The following IFT57 variants were observed in gnomAD, a reference collection of about 807,000 sequenced individuals.
IFT57 encodes intraflagellar transport 57, also known as intraflagellar transport protein 57 homolog.
Under a neutral mutation model 56.8 loss-of-function variants are expected in IFT57, and 59 were observed. That is an observed-to-expected ratio of 1.04 (90% CI 0.84 to 1.29). The LOEUF is 1.29. Ranked by LOEUF, IFT57 falls within the 50% of genes most tolerant of loss-of-function variation. The pLI is 0.00. For synonymous variants in IFT57, 209 were observed against 186.1 expected (o/e 1.12, Z -1.00); for missense variants, 470 against 522.1 (o/e 0.90, Z 0.97).
chr3:108,188,812 A>AGCAGTT (rs1352533082), intron 6 of IFT57, among the ~76,000 whole-genome samples: 5 of 152,206 alleles, frequency 3.3e-5, no homozygotes, highest in African/African-American at 1.2e-4. Flanking sequence ...AGTGTGTGTT[A>AGCAGTT]GCAGTTACAT....
intron 6 of IFT57, among the ~76,000 whole-genome samples, chr3:108,189,243 T>C (rs1560112470): frequency 6.6e-6 from 1 of 152,200 alleles, no homozygotes; most frequent in Non-Finnish European, 1.5e-5. Context: ...AGTAGGTAAA[T>C]GGACTACAGG....
At position 108,165,307 on chromosome 3, in the gene IFT57, C is replaced by A. The variant is rs1006734819; in HGVS notation, c.1044+124G>T. ...TCATAGGAAAATTAGGGATTATCTC[C>A]TAAAGAAAATGATTTAAAGGCACAG... On this transcript the variant is annotated intron_variant, in intron 9 of 10. Coordinates refer to ENST00000264538, the MANE Select transcript of IFT57 (RefSeq NM_018010.4). The A allele has an allele frequency of 3.7e-5, 26 of 703,652 alleles. No homozygotes were observed. The East Asian group carries it at 6.4e-4, about 17-fold the overall frequency. 43.6% of individuals were successfully genotyped at this position (703,652 alleles called of 1,614,324 possible).
At chr3:108,184,853 A>G (rs954961889) in intron 6 of IFT57, among the ~76,000 whole-genome samples, 1 of 152,166 alleles carries the variant, frequency 6.6e-6, no homozygotes, top group Non-Finnish European at 1.5e-5. Flanking sequence ...GTTTAGTGCA[A>G]TATCTTCAAG....
chr3:108,180,888 A>C (rs535623974), intron 6 of IFT57, among the ~76,000 whole-genome samples: 3 of 152,084 alleles, frequency 2.0e-5, no homozygotes, highest in Non-Finnish European at 2.9e-5. Context: ...TAGTCTAGAA[A>C]TTTTAATTAT....
chr3:108,176,750 T>A (rs1481147716), intron 6 of IFT57, among the ~76,000 whole-genome samples: 1 of 151,830 alleles, frequency 6.6e-6, no homozygotes, highest in Non-Finnish European at 1.5e-5. Flanking sequence ...GTTATCCACT[T>A]TAGTTACTTA....
rs572691208 is a variant in IFT57 at position 108,196,667 on chromosome 3, T to G, written c.655-5024A>C. On this transcript the variant is annotated intron_variant, in intron 5 of 10. Transcript: ENST00000264538. ...TTCTAAAATGATTTAACATAGGAGCTCAAAAATTTTCACTCACTCGTAGGC... is the reference window on the plus strand; with the variant it reads ...TTCTAAAATGATTTAACATAGGAGCGCAAAAATTTTCACTCACTCGTAGGC... Among the ~76,000 whole-genome samples, 17 of 152,322 alleles carry G rather than the reference T, an allele frequency of 1.1e-4. No homozygotes were observed. The East Asian group carries it at 3.3e-3, about 29-fold the overall frequency.
chr3:108,200,423 G>C (rs1042557729), intron 5 of IFT57, among the ~76,000 whole-genome samples: 1 of 152,076 alleles, frequency 6.6e-6, no homozygotes, highest in African/African-American at 2.4e-5. Context: ...TATATTCAAA[G>C]CACTAACATT....
chr3:108,184,731 A>G (rs1246890365), intron 6 of IFT57, among the ~76,000 whole-genome samples: 3 of 152,142 alleles, frequency 2.0e-5, no homozygotes. Context: ...AGTGTTGCAA[A>G]TATTGCTTAA....
At chr3:108,167,063 T>G in intron 7 of IFT57, 78 bp from the exon 8 acceptor site, 1 of 1,269,826 alleles carries the variant, frequency 7.9e-7, no homozygotes, top group Non-Finnish European at 1.1e-6. Context: ...GGGTTACATC[T>G]CAATCCATTC....
chr3:108,181,552 A>C (rs1189199716), intron 6 of IFT57, among the ~76,000 whole-genome samples: 1 of 152,106 alleles, frequency 6.6e-6, no homozygotes, highest in Admixed American at 6.6e-5. Context: ...TAATCATACA[A>C]GCTGCTCTAA....
intron 1 of IFT57, among the ~76,000 whole-genome samples, chr3:108,220,841 T>C (rs1400026675): frequency 6.6e-6 from 1 of 152,156 alleles, no homozygotes; most frequent in Non-Finnish European, 1.5e-5. Flanking sequence ...TGAGAACCAT[T>C]GGACTAGGAT....
At chr3:108,172,918 T>C (rs2080102340) in intron 6 of IFT57, among the ~76,000 whole-genome samples, 2 of 151,870 alleles carry the variant, frequency 1.3e-5, no homozygotes, top group Non-Finnish European at 2.9e-5. Flanking sequence ...CAGTGATGAT[T>C]TGTAATTACC....
At chr3:108,190,333 A>G (rs2080208401) in intron 6 of IFT57, among the ~76,000 whole-genome samples, 1 of 152,212 alleles carries the variant, frequency 6.6e-6, no homozygotes. Flanking sequence ...TTGTGTCCCC[A>G]CCCAAATCTC....
At position 108,201,292 on chromosome 3, in the gene IFT57, C is replaced by T. The variant is rs150232904; in HGVS notation, c.654+5336G>A. Among the ~76,000 whole-genome samples the T allele has an allele frequency of 3.9e-4, 59 of 152,266 alleles. No individual in the cohort carries two copies. In the East Asian group the frequency reaches 0.011, roughly 29 times the overall value. On this transcript the variant is annotated intron_variant, in intron 5 of 10. Transcript: ENST00000264538. ...ATGAAACCAAGAAGAAAATAAAGAT[C>T]TCTCTTATTTCAAAAGTGGGTTGAA...
In IFT57 at chr3:108,165,505, A is replaced by C; in HGVS notation, c.982-12T>G. On this transcript the variant is annotated splice_polypyrimidine_tract_variant and intron_variant, in intron 8 of 10. Transcript: ENST00000264538. ...TATCGCTCCTTTGCCTGAGAGGAAAAACATTTTGTTTAATGGCAAATTCAA... is the reference window on the plus strand; with the variant it reads ...TATCGCTCCTTTGCCTGAGAGGAAACACATTTTGTTTAATGGCAAATTCAA... 2 of 1,610,814 alleles carry C rather than the reference A, an allele frequency of 1.2e-6. No individual in the cohort carries two copies. Among genetic ancestry groups the C allele is most frequent in the Non-Finnish European group, 1.7e-6 (2 of 1,177,490 alleles).
At chr3:108,175,637 G>A (rs1406119394) in intron 6 of IFT57, among the ~76,000 whole-genome samples, 1 of 151,732 alleles carries the variant, frequency 6.6e-6, no homozygotes, top group Non-Finnish European at 1.5e-5. Context: ...TGTATGAAGA[G>A]GCATTTTCTT....
chr3:108,221,420 T>C (rs1191712793), intron 1 of IFT57, among the ~76,000 whole-genome samples: 1 of 152,222 alleles, frequency 6.6e-6, no homozygotes, highest in Non-Finnish European at 1.5e-5. Flanking sequence ...TCAGGATATG[T>C]TGGACTTTTC....
chr3:108,178,497 GAT>G (rs1243520138), intron 6 of IFT57, among the ~76,000 whole-genome samples: 1 of 151,810 alleles, frequency 6.6e-6, no homozygotes, highest in East Asian at 1.9e-4. Flanking sequence ...AGCTAGAGTA[GAT>G]ATTTGCAGTA....
At chr3:108,166,735 A>C in intron 8 of IFT57, 119 bp downstream of exon 8, 1 of 806,674 alleles carries the variant, frequency 1.2e-6, no homozygotes, top group Non-Finnish European at 1.8e-6. Context: ...TGGGCAGAAA[A>C]TTGATGTTTT....
Sources: allele counts gnomAD v4.1 joint callset (sites outside exome capture counted in the v4.1 genomes callset), GRCh38; gene constraint gnomAD v4.1.1; transcripts MANE v1.5; gene names NCBI Gene and HGNC (gene_info 2026-07-23, HGNC 2026-07-21).